Variants in STARD13 observed in about 807,000 individuals in gnomAD.
STARD13 encodes the protein stAR-related lipid transfer protein 13.
Under a neutral mutation model 106.4 loss-of-function variants are expected in STARD13, and 62 were observed. That is an observed-to-expected ratio of 0.58 (90% CI 0.48 to 0.72). STARD13 has a LOEUF of 0.72. Among genes scored for constraint, STARD13 ranks in the 30% least tolerant of loss-of-function variants. The pLI, the probability that STARD13 is intolerant of heterozygous loss-of-function variation, is 0.00. For synonymous variants in STARD13, 565 were observed against 553.0 expected (o/e 1.02, Z -0.31); for missense variants, 1,387 against 1,424.0 (o/e 0.97, Z 0.42).
the STARD13 span, among the ~76,000 whole-genome samples, chr13:33,488,594 T>C: frequency 6.6e-6 from 1 of 152,234 alleles, no homozygotes; most frequent in African/African-American, 2.4e-5. Flanking sequence ...ATCTTCCTTT[T>C]GGGCATGAAT....
chr13:33,185,215 GACACACGC>G (rs1230223173), intron 1 of STARD13, among the ~76,000 whole-genome samples: 1 of 152,174 alleles, frequency 6.6e-6, no homozygotes, highest in Non-Finnish European at 1.5e-5. Context: ...AAAGAACTGA[GACACACGC>G]ACACAGGCCA....
the STARD13 span, among the ~76,000 whole-genome samples, chr13:33,660,187 G>A: frequency 7.0e-6 from 1 of 142,120 alleles, no homozygotes; most frequent in Non-Finnish European, 1.6e-5. Context: ...TTACTGATTT[G>A]TACTTGTGGG....
chr13:33,356,720 T>C, the STARD13 span, among the ~76,000 whole-genome samples: 1 of 152,360 alleles, frequency 6.6e-6, no homozygotes, highest in South Asian at 2.1e-4. Context: ...GCTATTGTTG[T>C]TGTTGCTACT....
intron 1 of STARD13, among the ~76,000 whole-genome samples, chr13:33,340,210 C>T (rs1001881070): frequency 6.6e-6 from 1 of 151,998 alleles, no homozygotes; most frequent in Non-Finnish European, 1.5e-5. Context: ...AATGGAAAAA[C>T]ACTTCTTTTT....
chr13:33,429,931 G>GA, the STARD13 span, among the ~76,000 whole-genome samples: 1 of 149,372 alleles, frequency 6.7e-6, no homozygotes, highest in Non-Finnish European at 1.5e-5. Flanking sequence ...TTTTTTTGGG[G>GA]GGGGGGGACG....
At chr13:33,589,985 G>A in the STARD13 span, among the ~76,000 whole-genome samples, 1 of 152,112 alleles carries the variant, frequency 6.6e-6, no homozygotes, top group African/African-American at 2.4e-5. Context: ...GGGTGCTCCG[G>A]TATTGGGTGC....
the STARD13 span, among the ~76,000 whole-genome samples, chr13:33,665,260 T>C: frequency 6.6e-6 from 1 of 152,182 alleles, no homozygotes; most frequent in South Asian, 2.1e-4. Flanking sequence ...ATGCAATTTA[T>C]GCAATAAATT....
At chr13:33,447,511 C>T in the STARD13 span, among the ~76,000 whole-genome samples, 1 of 152,186 alleles carries the variant, frequency 6.6e-6, no homozygotes. Context: ...GGACATTAGA[C>T]TTGAGTTGTA....
the STARD13 span, among the ~76,000 whole-genome samples, chr13:33,602,092 C>CTTT: frequency 0.029 from 4,021 of 136,434 alleles, 97 homozygotes; most frequent in African/African-American, 0.06. Flanking sequence ...TCTAGTAATT[C>CTTT]TTTTTTTTTT....
chr13:33,108,265 GCCT>G (rs1165021982), intron 12 of STARD13, among the ~76,000 whole-genome samples: 5 of 152,156 alleles, frequency 3.3e-5, no homozygotes, highest in Non-Finnish European at 7.4e-5. Flanking sequence ...TCAGCCCCGT[GCCT>G]CCTCACCACA....
chr13:33,502,567 C>A, the STARD13 span, among the ~76,000 whole-genome samples: 1 of 152,056 alleles, frequency 6.6e-6, no homozygotes, highest in Non-Finnish European at 1.5e-5. Context: ...CCATCAATAC[C>A]TAGTTTGTTG....
At chr13:33,170,355 T>A (rs1883813214) in intron 1 of STARD13, among the ~76,000 whole-genome samples, 1 of 152,204 alleles carries the variant, frequency 6.6e-6, no homozygotes, top group Admixed American at 6.5e-5. Context: ...GAACTTAAAA[T>A]TCTGGTTGGA....
chr13:33,358,965 C>G, the STARD13 span, among the ~76,000 whole-genome samples: 95 of 152,166 alleles, frequency 6.2e-4, 1 homozygote, highest in African/African-American at 2.1e-3. Context: ...CTGATGGGGA[C>G]GTGGAGAACC....
the STARD13 span, among the ~76,000 whole-genome samples, chr13:33,629,619 G>A: frequency 2.6e-5 from 4 of 152,336 alleles, no homozygotes; most frequent in South Asian, 8.3e-4. Flanking sequence ...TTTAAATTAA[G>A]TAAGAGATAA....
At chr13:33,325,360 C>T (rs964879122) in intron 1 of STARD13, among the ~76,000 whole-genome samples, 1 of 152,276 alleles carries the variant, frequency 6.6e-6, no homozygotes, top group East Asian at 1.9e-4. Context: ...TGTTATCAAC[C>T]AACAGTTCTG....
At chr13:33,647,567 A>G in the STARD13 span, among the ~76,000 whole-genome samples, 1 of 152,186 alleles carries the variant, frequency 6.6e-6, no homozygotes, top group Non-Finnish European at 1.5e-5. Context: ...ATACTCACCT[A>G]AACCCTATTT....
intron 3 of STARD13, among the ~76,000 whole-genome samples, chr13:33,155,153 A>G (rs950094871): frequency 1.3e-5 from 2 of 151,810 alleles, no homozygotes; most frequent in African/African-American, 4.8e-5. Flanking sequence ...ACCCTACTGA[A>G]CACTGGACAT....
At chr13:33,521,113 C>G in the STARD13 span, among the ~76,000 whole-genome samples, 1 of 152,126 alleles carries the variant, frequency 6.6e-6, no homozygotes, top group African/African-American at 2.4e-5. Flanking sequence ...AGCCCATGCC[C>G]TCAGTATTTG....
chr13:33,528,226 G>GTGTATATATATATATACATA, the STARD13 span, among the ~76,000 whole-genome samples: 28 of 100,996 alleles, frequency 2.8e-4, no homozygotes, highest in African/African-American at 1.5e-3. Flanking sequence ...GTGTGTGTGT[G>GTGTATATATATATATACATA]TATATATATA....
Sources: gnomAD v4.1 joint callset for allele counts (sites outside exome capture counted in the v4.1 genomes callset) on GRCh38, gnomAD v4.1.1 for gene constraint, MANE v1.5 for transcripts, NCBI Gene and HGNC (gene_info 2026-07-23, HGNC 2026-07-21) for gene names.